USH2A: variants seen among roughly 807,000 people sequenced by gnomAD.
USH2A encodes the protein usherin.
A neutral mutation model predicts 538.9 loss-of-function variants in USH2A; 443 were observed. The ratio of observed to expected loss-of-function variants is 0.82; its 90% confidence interval spans 0.76 to 0.89. The LOEUF is 0.89. Ranked by LOEUF, USH2A falls within the 40% of genes least tolerant of loss-of-function variation. The pLI is 0.00. For synonymous variants in USH2A, 2,413 were observed against 2,273.5 expected (o/e 1.06, Z -1.75); for missense variants, 6,633 against 6,324.8 (o/e 1.05, Z -1.65).
At chr1:216,146,568 G>C (rs530233395) in intron 21 of USH2A, among the ~76,000 whole-genome samples, 6 of 152,012 alleles carry the variant, frequency 3.9e-5, no homozygotes, top group Non-Finnish European at 7.4e-5. Context: ...CACCCTTAGC[G>C]GCAAGTCCCG....
chr1:216,336,031 G>A (rs957497426), intron 4 of USH2A, among the ~76,000 whole-genome samples: 1 of 151,390 alleles, frequency 6.6e-6, no homozygotes. Context: ...CAAAATTCTA[G>A]TGAACCAAAT....
At chr1:216,229,604 A>G (rs2035636700) in intron 14 of USH2A, among the ~76,000 whole-genome samples, 1 of 152,128 alleles carries the variant, frequency 6.6e-6, no homozygotes, top group Non-Finnish European at 1.5e-5. Context: ...AGTTAGCCAT[A>G]GTGCCTAGAC....
At chr1:216,418,824 T>C (rs1482756382) in intron 2 of USH2A, 145 bp from the exon 3 acceptor site, 4 of 757,184 alleles carry the variant, frequency 5.3e-6, no homozygotes, top group Admixed American at 2.4e-5. Flanking sequence ...AATGTCATTA[T>C]ATTCAATGAA....
rs1175266699 is a variant in USH2A at position 215,877,646 on chromosome 1, A to C, written c.8681+112T>G. The C allele has an allele frequency of 8.6e-6, 13 of 1,505,692 alleles. No homozygotes were observed. The East Asian group carries it at 3.0e-4, about 34-fold the overall frequency. The allele number at this position is 1,505,692 out of a possible 1,614,324, so 93.3% of individuals were successfully genotyped here. On this transcript the variant is annotated intron_variant, in intron 43 of 71. Coordinates refer to ENST00000307340, the MANE Select transcript of USH2A (RefSeq NM_206933.4). ...CACAGATAATAACCAAACATGTTTT[A>C]TTGCATAACTGATAACACGCTCACA...
intron 34 of USH2A, among the ~76,000 whole-genome samples, chr1:215,998,349 G>T (rs1206999212): frequency 1.3e-5 from 2 of 151,978 alleles, no homozygotes; most frequent in African/African-American, 4.8e-5. Context: ...AAATGCTATT[G>T]TTTGTCTAAG....
At chr1:216,097,960 C>T (rs1356649184) in intron 21 of USH2A, among the ~76,000 whole-genome samples, 2 of 137,878 alleles carry the variant, frequency 1.5e-5, no homozygotes, top group Admixed American at 7.2e-5. Context: ...AATGATGCCT[C>T]CCCCCTACCT....
intron 11 of USH2A, among the ~76,000 whole-genome samples, chr1:216,259,387 G>T (rs1163599872): frequency 1.3e-5 from 2 of 152,032 alleles, no homozygotes; most frequent in African/African-American, 2.4e-5. Context: ...AATTGAAATG[G>T]AATATTTCAT....
chr1:215,980,637 C>G (rs1170096566), intron 35 of USH2A, among the ~76,000 whole-genome samples: 1 of 152,046 alleles, frequency 6.6e-6, no homozygotes, highest in Non-Finnish European at 1.5e-5. Flanking sequence ...CCTTGCTTTT[C>G]TACTGAGAAA....
At chr1:215,732,275 C>G (rs1179895829) in intron 60 of USH2A, among the ~76,000 whole-genome samples, 2 of 152,122 alleles carry the variant, frequency 1.3e-5, no homozygotes, top group Admixed American at 1.3e-4. Flanking sequence ...AGAGACATCA[C>G]AAACCTTTCA....
chr1:216,161,478 C>T (rs1365807280), intron 21 of USH2A, among the ~76,000 whole-genome samples: 1 of 151,898 alleles, frequency 6.6e-6, no homozygotes, highest in African/African-American at 2.4e-5. Context: ...CCATATAGAC[C>T]CCGTCATCAT....
intron 9 of USH2A, among the ~76,000 whole-genome samples, chr1:216,293,722 C>A (rs535625776): frequency 6.6e-6 from 1 of 152,240 alleles, no homozygotes; most frequent in South Asian, 2.1e-4. Flanking sequence ...TTATCACTCA[C>A]AAGGAGGCAA....
intron 21 of USH2A, among the ~76,000 whole-genome samples, chr1:216,166,976 T>G (rs147363493): frequency 1.4e-4 from 22 of 152,220 alleles, no homozygotes; most frequent in Non-Finnish European, 3.2e-4. Context: ...CCTCTCTCCT[T>G]CTGTCTCATG....
At chr1:216,020,441 A>T (rs929636011) in intron 32 of USH2A, among the ~76,000 whole-genome samples, 1 of 152,214 alleles carries the variant, frequency 6.6e-6, no homozygotes, top group African/African-American at 2.4e-5. Flanking sequence ...TCAAGACTGC[A>T]TGATAAAAAT....
At chr1:216,228,900 C>T (rs2035618129) in intron 14 of USH2A, among the ~76,000 whole-genome samples, 2 of 152,112 alleles carry the variant, frequency 1.3e-5, no homozygotes, top group South Asian at 4.1e-4. Flanking sequence ...TTAAAACACA[C>T]ACTCGGCTCA....
At chr1:215,938,499 G>A (rs1212183709) in intron 37 of USH2A, among the ~76,000 whole-genome samples, 1 of 152,030 alleles carries the variant, frequency 6.6e-6, no homozygotes, top group Non-Finnish European at 1.5e-5. Flanking sequence ...GCATAAACTG[G>A]GCTTTCAGTG....
intron 11 of USH2A, among the ~76,000 whole-genome samples, chr1:216,288,567 C>G (rs911904852): frequency 2.8e-4 from 43 of 152,090 alleles, no homozygotes; most frequent in Non-Finnish European, 5.0e-4. Flanking sequence ...TTATTCATAA[C>G]AGAGTATATA....
At chr1:215,629,838 C>G (rs960722975) in intron 70 of USH2A, among the ~76,000 whole-genome samples, 4 of 140,520 alleles carry the variant, frequency 2.8e-5, no homozygotes, top group African/African-American at 1.1e-4. Flanking sequence ...TGCAGTGGTG[C>G]AATCTCGGCT....
At chr1:215,660,414 G>A (rs532431677) in intron 64 of USH2A, among the ~76,000 whole-genome samples, 6 of 152,080 alleles carry the variant, frequency 3.9e-5, no homozygotes, top group Non-Finnish European at 8.8e-5. Flanking sequence ...GATCTAGTGG[G>A]GCTAGATAGC....
Position 215,782,886 on chromosome 1 carries a change from C to G in USH2A, c.10437G>C (p.Trp3479Cys). 1.9e-6 allele frequency: 3 copies of G among 1,613,686 alleles called. No homozygotes were observed. Among genetic ancestry groups the G allele is most frequent in the Non-Finnish European group, 2.5e-6 (3 of 1,179,840 alleles). ...TGCTGAGTCCTCGCCCATAGCTGTT[C>G]CAGGCAGAAATCCTGTACTCATATG... ...YMTYEYRISAWNSYGRGLSKA... is the reference protein window; with the variant it reads ...YMTYEYRISACNSYGRGLSKA... The change falls in exon 53 of 72, where the codon TGG becomes TGC. Residue 3479 changes from tryptophan (W) to cysteine (C), a missense_variant. Transcript: ENST00000307340.
Sources: gnomAD v4.1 joint callset for allele counts (sites outside exome capture counted in the v4.1 genomes callset) on GRCh38, gnomAD v4.1.1 for gene constraint, MANE v1.5 for transcripts, NCBI Gene and HGNC (gene_info 2026-07-23, HGNC 2026-07-21) for gene names.